Variants in C2CD2 observed in about 807,000 individuals in gnomAD.
C2CD2 encodes the protein C2 domain-containing protein 2.
C2CD2 carries 43 observed loss-of-function variants against 74.3 expected under a neutral mutation model. The ratio of observed to expected loss-of-function variants is 0.58; its 90% CI spans 0.45 to 0.75. The LOEUF (loss-of-function observed/expected upper bound fraction) is 0.75. C2CD2 is among the 30% of genes least tolerant of loss of function. The pLI is 0.00. For missense variants in C2CD2, 801 were observed against 916.3 expected, an observed-to-expected ratio of 0.87 and a Z score of 1.63; for synonymous variants, 422 against 390.7, an observed-to-expected ratio of 1.08 and a Z score of -0.94.
intron 2 of C2CD2, among the ~76,000 whole-genome samples, chr21:41,928,543 GCAA>G (rs1170915470): frequency 3.4e-4 from 6 of 17,700 alleles, no homozygotes; most frequent in Admixed American, 1.8e-3. Flanking sequence ...GTAAAGCAAA[GCAA>G]AAAAAAAAAA....
intron 1 of C2CD2, among the ~76,000 whole-genome samples, chr21:41,952,576 G>A (rs536621987): frequency 2.0e-5 from 3 of 152,330 alleles, no homozygotes; most frequent in East Asian, 1.9e-4. Flanking sequence ...GGAGCTTGTC[G>A]TTATACTAAG....
At chr21:41,946,344 T>G (rs73221451) in intron 1 of C2CD2, among the ~76,000 whole-genome samples, 6,089 of 152,258 alleles carry the variant, frequency 0.04, 155 homozygotes, top group African/African-American at 0.073. Flanking sequence ...TGTTACCAGA[T>G]GGGCCCGGTG....
chr21:41,920,011 C>T (rs2065138332), intron 3 of C2CD2, among the ~76,000 whole-genome samples: 1 of 152,134 alleles, frequency 6.6e-6, no homozygotes, highest in South Asian at 2.1e-4. Flanking sequence ...CGGGTGTGGA[C>T]GTGGAGGAAG....
Position 41,944,718 on chromosome 21 carries a change from T to C in C2CD2, c.280-2473A>G, listed in dbSNP as rs139126834. 3.6e-3 allele frequency among the ~76,000 whole-genome samples: 541 copies of C among 152,264 alleles called. 4 individuals carry two copies. The highest frequency in any genetic ancestry group is 0.012 in the African/African-American group (518 of 41,538). On this transcript the variant is annotated intron_variant, in intron 1 of 13. Coordinates refer to ENST00000380486, the MANE Select transcript of C2CD2 (RefSeq NM_015500.2). ...AATTCAGGTATCTCTGCATCTCTGC[T>C]GCTGTGTCAATGCTGACAGAACCCT...
intron 1 of C2CD2, among the ~76,000 whole-genome samples, chr21:41,947,112 T>TTCTCTCTCTC (rs147753254): frequency 1.9e-4 from 5 of 26,214 alleles, no homozygotes; most frequent in African/African-American, 3.4e-4. Context: ...CCTTTCTCTT[T>TTCTCTCTCTC]TCTCTCTCTC....
At chr21:41,907,195 G>A (rs778084712) in intron 9 of C2CD2, 29 bp from the exon 10 acceptor site, 1 of 1,606,624 alleles carries the variant, frequency 6.2e-7, no homozygotes, top group Non-Finnish European at 8.5e-7. Flanking sequence ...ACTTGTTTCT[G>A]GTTTTGTGGA....
rs975581565 is a variant in C2CD2 at position 41,921,690 on chromosome 21, G to A, written c.492+282C>T. 1.2e-4 allele frequency among the ~76,000 whole-genome samples: 19 copies of A among 152,152 alleles called. 4 individuals carry two copies. The South Asian group carries it at 3.5e-3, about 28-fold the overall frequency. On this transcript the variant is annotated intron_variant, in intron 3 of 13. Transcript: ENST00000380486. ...AGATGCCACCTGCCTTATCATATCCGTCAACAACACCCTGCCTCATTCAAA... is the reference window on the plus strand; with the variant it reads ...AGATGCCACCTGCCTTATCATATCCATCAACAACACCCTGCCTCATTCAAA...
rs1213831011 is a variant in C2CD2 at position 41,901,765 on chromosome 21, C to G, written c.1433-16G>C. On this transcript the variant is annotated splice_polypyrimidine_tract_variant and intron_variant, in intron 11 of 13. Transcript: ENST00000380486. ...ACCAACAATTCTACCAGAAGGAAGG[C>G]AGTGTTAAGTTCATCAGCAAAAATT... 6.2e-7 allele frequency: 1 copy of G among 1,613,222 alleles called. No homozygotes were observed. Among genetic ancestry groups the G allele is most frequent in the South Asian group, 1.1e-5 (1 of 91,060 alleles).
chr21:41,953,072 A>C, intron 1 of C2CD2: 1 of 342,600 alleles, frequency 2.9e-6, no homozygotes, highest in Non-Finnish European at 5.3e-6. Context: ...CAAGGCAGGT[A>C]CTGGCTGGCG....
chr21:41,908,048 T>C (rs2064985226), intron 8 of C2CD2: 1 of 471,006 alleles, frequency 2.1e-6, no homozygotes, highest in African/African-American at 2.0e-5. Context: ...GAAAGGTCAC[T>C]GCTCTGAAGG....
rs7275594 is a variant in C2CD2 at position 41,929,399 on chromosome 21, C to T, written c.379-7314G>A. Among the ~76,000 whole-genome samples the T allele has an allele frequency of 9.1e-3, 1,388 of 152,296 alleles. 17 individuals carry two copies. Among genetic ancestry groups the T allele is most frequent in the African/African-American group, 0.031 (1,292 of 41,538 alleles). ...ATCACATGCCACAACGTGTGCCATG[C>T]GGGGTACTGCACGGGCACAGGCCTG... On this transcript the variant is annotated intron_variant, in intron 2 of 13. Coordinates refer to ENST00000380486, the MANE Select transcript of C2CD2 (RefSeq NM_015500.2). This position sits in a 1 kb window ranked among gnomAD's most constrained non-coding sequence, Gnocchi z 4.6.
rs1418915953 is a variant in C2CD2 at position 41,887,730 on chromosome 21, TAAC to T, written c.*1391_*1393del. The T allele has an allele frequency of 6.6e-6, 1 of 152,168 alleles. No homozygotes were observed. Among genetic ancestry groups the T allele is most frequent in the East Asian group, 1.9e-4 (1 of 5,206 alleles). The allele number at this position is 152,168 out of a possible 1,614,324, so 9.4% of individuals were successfully genotyped here. On this transcript the variant is annotated 3_prime_UTR_variant, in exon 14 of 14. Coordinates refer to ENST00000380486, the MANE Select transcript of C2CD2 (RefSeq NM_015500.2). ...CCCGAAATATTTAATGTTTAAGGAT[TAAC>T]AAGAGGCTACGGAAGGAAGCTTGCC... is the stretch of plus-strand genomic sequence containing the variant.
In C2CD2 at chr21:41,929,562, C is replaced by T. The variant is rs2065245629; in HGVS notation, c.379-7477G>A. On this transcript the variant is annotated intron_variant, in intron 2 of 13. Coordinates refer to ENST00000380486, the MANE Select transcript of C2CD2 (RefSeq NM_015500.2). This position sits in a 1 kb window ranked among gnomAD's most constrained non-coding sequence, Gnocchi z 4.6. ...CCTGGCTTCTGAGATGGGCCTTTCC[C>T]CAGACTAGGTGGGTTATAACTTTTA... Among the ~76,000 whole-genome samples, 1 of 152,228 alleles carries T rather than the reference C, an allele frequency of 6.6e-6. No homozygotes were observed. The highest frequency in any genetic ancestry group is 2.4e-5 in the African/African-American group (1 of 41,460).
chr21:41,887,575 T>C lies in C2CD2; in HGVS notation c.*1549A>G, dbSNP rs1489085196. ...GAAAAAATCCTATAATTTTGGTTTT[T>C]ATATAGGTTTTTACTAAAAAAGAAA... On this transcript the variant is annotated 3_prime_UTR_variant, in exon 14 of 14. Coordinates refer to ENST00000380486, the MANE Select transcript of C2CD2 (RefSeq NM_015500.2). 1 of 151,804 alleles carries C rather than the reference T, an allele frequency of 6.6e-6. No homozygotes were observed. The highest frequency in any genetic ancestry group is 1.5e-5 in the Non-Finnish European group (1 of 67,990). The allele number at this position is 151,804 out of a possible 1,614,324, so 9.4% of individuals were successfully genotyped here. A position where few individuals can be genotyped will look rare whatever the true frequency, so the allele number is the denominator to read the frequency against.
chr21:41,915,070 G>C (rs1200139283), intron 5 of C2CD2, among the ~76,000 whole-genome samples: 3 of 152,190 alleles, frequency 2.0e-5, no homozygotes, highest in African/African-American at 7.2e-5. Flanking sequence ...GACCCGGGCA[G>C]GTGCTTAAGA....
At chr21:41,920,527 G>GA (rs1004357179) in intron 3 of C2CD2, among the ~76,000 whole-genome samples, 4 of 152,062 alleles carry the variant, frequency 2.6e-5, no homozygotes, top group South Asian at 2.1e-4. Context: ...GTAATTCTAG[G>GA]AAAAAAATTA....
chr21:41,894,656 G>T (rs1306066679), intron 13 of C2CD2: 1 of 456,594 alleles, frequency 2.2e-6, no homozygotes, highest in Non-Finnish European at 4.4e-6. Flanking sequence ...AGAATGAGTT[G>T]CGTCTCCAGA....
intron 1 of C2CD2, among the ~76,000 whole-genome samples, chr21:41,950,064 C>T (rs1295985381): frequency 1.3e-5 from 2 of 151,916 alleles, no homozygotes; most frequent in Non-Finnish European, 2.9e-5. Flanking sequence ...GTGCAGCAAA[C>T]CAACATGGCA....
rs1178569721 is a variant in C2CD2 at position 41,924,094 on chromosome 21, T to C, written c.379-2009A>G. Among the ~76,000 whole-genome samples, 1 of 152,258 alleles carries C rather than the reference T, an allele frequency of 6.6e-6. No homozygotes were observed. Among genetic ancestry groups the C allele is most frequent in the East Asian group, 1.9e-4 (1 of 5,200 alleles). ...CACAGGACAGGAAGAGAAAATTCTT[T>C]AATTCTCTGGTGGATTTATCAGAAT... is the stretch of plus-strand genomic sequence containing the variant. On this transcript the variant is annotated intron_variant, in intron 2 of 13. Coordinates refer to ENST00000380486, the MANE Select transcript of C2CD2 (RefSeq NM_015500.2). The surrounding 1 kb of genome is among the most constrained non-coding windows in gnomAD (Gnocchi z 4.4).
Sources: gnomAD v4.1 joint callset for allele counts (sites outside exome capture counted in the v4.1 genomes callset) on GRCh38, gnomAD v4.1.1 for gene constraint, Gnocchi (gnomAD v3.1) non-coding constraint, MANE v1.5 for transcripts, NCBI Gene and HGNC (gene_info 2026-07-23, HGNC 2026-07-21) for gene names.